XIRP2: variants seen among roughly 807,000 people sequenced by gnomAD.
The protein encoded by XIRP2 is xin actin-binding repeat-containing protein 2.
Under a neutral mutation model 277.0 loss-of-function variants are expected in XIRP2, and 236 were observed. The ratio of observed to expected loss-of-function variants is 0.85; its 90% confidence interval spans 0.77 to 0.95. XIRP2 has a LOEUF of 0.95. Among genes scored for constraint, XIRP2 ranks in the 40% least tolerant of loss-of-function variants. The probability of loss-of-function intolerance (pLI) is 0.00; values close to 1 mark genes in which losing one functional copy is unlikely to be tolerated. For missense variants in XIRP2, 4,640 were observed against 4,157.5 expected, an observed-to-expected ratio of 1.12 and a Z score of -3.19; for synonymous variants, 1,490 against 1,416.5, an observed-to-expected ratio of 1.05 and a Z score of -1.17.
chr2:167,219,916 A>G (rs942923254), intron 5 of XIRP2, among the ~76,000 whole-genome samples: 2 of 152,178 alleles, frequency 1.3e-5, no homozygotes, highest in African/African-American at 4.8e-5. Flanking sequence ...TAATACTGCA[A>G]AAGACAGAAA....
Position 167,085,248 on chromosome 2 carries a change from C to T in XIRP2, c.409-50661C>T, listed in dbSNP as rs1282753367. 1.3e-4 allele frequency among the ~76,000 whole-genome samples: 19 copies of T among 151,084 alleles called. No homozygotes were observed. In the East Asian group the frequency reaches 1.6e-3, roughly 12 times the overall value. ...GTTGTTCAGTTTCCATGTAGTTGAG[C>T]GGTTTTGAGTGAGTTTCTTAATCCT... On this transcript the variant is annotated intron_variant, in intron 2 of 10. Transcript: ENST00000409195.
intron 2 of XIRP2, among the ~76,000 whole-genome samples, chr2:167,091,004 T>C (rs149936661): frequency 3.3e-5 from 5 of 152,250 alleles, no homozygotes; most frequent in African/African-American, 9.6e-5. Context: ...ATATCTTCAA[T>C]ATACAGAAAG....
intron 2 of XIRP2, among the ~76,000 whole-genome samples, chr2:166,942,230 A>G (rs2105384109): frequency 6.6e-6 from 1 of 152,242 alleles, no homozygotes; most frequent in African/African-American, 2.4e-5. Flanking sequence ...ACATGTAACT[A>G]CCCTGACTCA....
At chr2:167,007,651 A>G (rs1267511614) in intron 2 of XIRP2, among the ~76,000 whole-genome samples, 1 of 149,596 alleles carries the variant, frequency 6.7e-6, no homozygotes, top group Non-Finnish European at 1.5e-5. Flanking sequence ...ATAAATTTTT[A>G]ATATACATAT....
intron 2 of XIRP2, among the ~76,000 whole-genome samples, chr2:166,985,892 A>C (rs752860133): frequency 2.7e-4 from 41 of 152,202 alleles, no homozygotes; most frequent in Admixed American, 5.2e-4. Context: ...TGATCTCCTC[A>C]TCTGGGAAGA....
At chr2:167,169,835 T>C (rs1453379977) in intron 3 of XIRP2, among the ~76,000 whole-genome samples, 1 of 152,158 alleles carries the variant, frequency 6.6e-6, no homozygotes, top group Non-Finnish European at 1.5e-5. Flanking sequence ...TTTTGGACAT[T>C]GTTGAATATA....
chr2:166,925,791 T>TGGTGG (rs1685173099), intron 2 of XIRP2, among the ~76,000 whole-genome samples: 1 of 151,660 alleles, frequency 6.6e-6, no homozygotes, highest in Non-Finnish European at 1.5e-5. Context: ...TGGCAGAGTG[T>TGGTGG]GGTGGCTTAC....
intron 1 of XIRP2, among the ~76,000 whole-genome samples, chr2:166,894,048 T>C (rs1469930864): frequency 6.6e-6 from 1 of 152,146 alleles, no homozygotes; most frequent in East Asian, 1.9e-4. Flanking sequence ...TCTGAGTGGA[T>C]TGGTATGCTT....
chr2:167,101,495 C>G (rs1438532494), intron 2 of XIRP2, among the ~76,000 whole-genome samples: 1 of 152,122 alleles, frequency 6.6e-6, no homozygotes, highest in African/African-American at 2.4e-5. Context: ...CCCAAGTCTC[C>G]GATGTCCATT....
intron 2 of XIRP2, among the ~76,000 whole-genome samples, chr2:166,938,607 A>G (rs1685591295): frequency 6.6e-6 from 1 of 152,206 alleles, no homozygotes; most frequent in Non-Finnish European, 1.5e-5. Context: ...GATGTCTATT[A>G]GGTCTGCTTG....
chr2:167,183,226 G>T (rs1399340870), intron 3 of XIRP2, among the ~76,000 whole-genome samples: 2 of 152,190 alleles, frequency 1.3e-5, no homozygotes, highest in South Asian at 4.1e-4. Context: ...ATTGCAAGTT[G>T]TGAAGAAAGC....
At chr2:167,226,112 G>C (rs1010206197) in intron 5 of XIRP2, among the ~76,000 whole-genome samples, 3 of 152,124 alleles carry the variant, frequency 2.0e-5, no homozygotes, top group African/African-American at 7.2e-5. Flanking sequence ...CTCTATACTA[G>C]TAATTCGGTT....
At chr2:167,113,740 G>T (rs1217115359) in intron 2 of XIRP2, among the ~76,000 whole-genome samples, 1 of 152,134 alleles carries the variant, frequency 6.6e-6, no homozygotes, top group Non-Finnish European at 1.5e-5. Context: ...TATCACTGAT[G>T]TGTGTACGTA....
At chr2:167,186,805 GTT>G (rs77891647) in intron 3 of XIRP2, among the ~76,000 whole-genome samples, 49 of 131,804 alleles carry the variant, frequency 3.7e-4, no homozygotes, top group Non-Finnish European at 3.8e-4. Context: ...ATTCTTCCTT[GTT>G]TTTTTTTTTT....
intron 2 of XIRP2, among the ~76,000 whole-genome samples, chr2:167,053,144 G>A (rs923579903): frequency 6.6e-6 from 1 of 152,140 alleles, no homozygotes; most frequent in African/African-American, 2.4e-5. Context: ...ATATTATCAT[G>A]TTAATGCCCA....
At chr2:167,150,928 T>A (rs1691997758) in intron 3 of XIRP2, among the ~76,000 whole-genome samples, 1 of 152,098 alleles carries the variant, frequency 6.6e-6, no homozygotes, top group Non-Finnish European at 1.5e-5. Flanking sequence ...ATTACTGTTA[T>A]CTCAATTTCT....
chr2:167,102,353 G>C (rs2105287219), intron 2 of XIRP2, among the ~76,000 whole-genome samples: 1 of 152,236 alleles, frequency 6.6e-6, no homozygotes, highest in South Asian at 2.1e-4. Context: ...TTTCTCACTG[G>C]CCATCTTTAT....
At chr2:166,938,795 T>C (rs990054560) in intron 2 of XIRP2, among the ~76,000 whole-genome samples, 1 of 152,206 alleles carries the variant, frequency 6.6e-6, no homozygotes. Flanking sequence ...TGGGTGCATA[T>C]ATATTTAGGA....
chr2:167,089,809 C>A (rs1485309529), intron 2 of XIRP2, among the ~76,000 whole-genome samples: 2 of 152,042 alleles, frequency 1.3e-5, no homozygotes, highest in South Asian at 2.1e-4. Flanking sequence ...CGCAGCTATG[C>A]CCATTTGTTT....
Sources: allele counts gnomAD v4.1 joint callset (sites outside exome capture counted in the v4.1 genomes callset), GRCh38; gene constraint gnomAD v4.1.1; transcripts MANE v1.5; gene names NCBI Gene and HGNC (gene_info 2026-07-23, HGNC 2026-07-21).